GREB1L: variants seen among roughly 807,000 people sequenced by gnomAD.
The protein encoded by GREB1L is GREB1-like protein.
GREB1L carries 17 observed loss-of-function variants against 200.8 expected under a neutral mutation model. The observed-to-expected ratio is 0.08, with a 90% CI of 0.06 to 0.13. The LOEUF (loss-of-function observed/expected upper bound fraction) is 0.13. GREB1L is among the 10% of genes least tolerant of loss of function. GREB1L has a pLI of 1.00. For missense variants in GREB1L, 1,657 were observed against 2,367.7 expected (o/e 0.70, Z 6.23); for synonymous variants, 789 against 893.0 (o/e 0.88, Z 2.08).
At chr18:21,519,923 CT>C (rs796146497) in intron 31 of GREB1L, among the ~76,000 whole-genome samples, 270 of 143,560 alleles carry the variant, frequency 1.9e-3, no homozygotes, top group Middle Eastern at 3.6e-3. Context: ...CATGCACTGT[CT>C]TTTTTTTTTT....
chr18:21,302,783 G>A (rs2038638776), intron 1 of GREB1L, among the ~76,000 whole-genome samples: 1 of 152,072 alleles, frequency 6.6e-6, no homozygotes, highest in Non-Finnish European at 1.5e-5. Flanking sequence ...GTGCAGTGGC[G>A]TGATCTCGGC....
At chr18:21,451,325 T>G in intron 13 of GREB1L, 174 bp downstream of exon 13, 1 of 643,048 alleles carries the variant, frequency 1.6e-6, no homozygotes, top group Non-Finnish European at 2.5e-6. Flanking sequence ...AGTAAGGGGG[T>G]CTAGAGGAAG....
At chr18:21,421,255 G>T (rs1339183857) in intron 7 of GREB1L, among the ~76,000 whole-genome samples, 1 of 152,128 alleles carries the variant, frequency 6.6e-6, no homozygotes, top group Non-Finnish European at 1.5e-5. Flanking sequence ...CTTTAAGTAT[G>T]TGCAGTTTAT....
At position 21,499,979 on chromosome 18, in the gene GREB1L, G is replaced by A. The variant is rs771705091; in HGVS notation, c.3642G>A (p.Pro1214=). Residue 1214 remains proline, a synonymous_variant, in exon 22 of 33, where the codon CCG becomes CCA. Transcript: ENST00000424526. ...CAGGACCCAGGACCCTCCCATGGCC[G>A]GGACAGCCCATCAGAGGCTGCCGGG... ...SSSGPRTLPW[P]GQPIRGCRGP... The A allele has an allele frequency of 1.4e-5, 22 of 1,551,328 alleles. No individual in the cohort carries two copies. The highest frequency in any genetic ancestry group is 1.2e-4 in the East Asian group (5 of 40,908).
At chr18:21,327,680 C>T (rs543976653) in intron 1 of GREB1L, among the ~76,000 whole-genome samples, 79 of 151,468 alleles carry the variant, frequency 5.2e-4, no homozygotes, top group Non-Finnish European at 9.1e-4. Flanking sequence ...AAGAAGAAGG[C>T]CCCAACCTTT....
rs1445881408 is a variant in GREB1L, at chr18:21,515,466, G to A, written c.4951G>A (p.Val1651Ile). 2.6e-6 allele frequency: 4 copies of A among 1,551,656 alleles called. No individual in the cohort carries two copies. The highest frequency in any genetic ancestry group is 3.5e-6 in the Non-Finnish European group (4 of 1,146,962). The part of the protein sequence containing the change: ...VSSKNVSLKT[V>I]LQHIEATPKI... ...CAGTAAGAATGTGTCCTTGAAGACT[G>A]TCTTGCAGCACATTGAAGCCACACC... is the stretch of plus-strand genomic sequence containing the variant. Residue 1651 changes from valine (V) to isoleucine (I), a missense_variant, in exon 29 of 33, where the codon GTC becomes ATC. Physicochemically the swap from Val to Ile is conservative, Grantham distance 29. Transcript: ENST00000424526.
At chr18:21,460,951 G>T (rs1452012227) in intron 15 of GREB1L, among the ~76,000 whole-genome samples, 1 of 151,778 alleles carries the variant, frequency 6.6e-6, no homozygotes, top group South Asian at 2.1e-4. Flanking sequence ...ACAAAAATTA[G>T]CCAAGCAAGG....
At chr18:21,472,323 C>G (rs1475322248) in intron 15 of GREB1L, among the ~76,000 whole-genome samples, 1 of 152,106 alleles carries the variant, frequency 6.6e-6, no homozygotes, top group Admixed American at 6.6e-5. Context: ...GTTTTATGTG[C>G]CTAGAACTAC....
At position 21,516,567 on chromosome 18, in the gene GREB1L, TGA is replaced by T. The variant is rs1441152719; in HGVS notation, c.5130-43_5130-42del. ...TTTCTCTGTGTATAGTTATCATGGT[TGA>T]GATATGCCAGCGGAAGAAAACTATT... is the stretch of plus-strand genomic sequence containing the variant. On this transcript the variant is annotated intron_variant, in intron 29 of 32. Transcript: ENST00000424526. 6 of 1,523,094 alleles carry T rather than the reference TGA, an allele frequency of 3.9e-6. No homozygotes were observed. The East Asian group carries it at 7.4e-5, about 19-fold the overall frequency. The allele number at this position is 1,523,094 out of a possible 1,614,324, so 94.3% of individuals were successfully genotyped here.
chr18:21,315,975 T>A (rs1343133046), intron 1 of GREB1L, among the ~76,000 whole-genome samples: 1 of 152,180 alleles, frequency 6.6e-6, no homozygotes, highest in Non-Finnish European at 1.5e-5. Context: ...GTGCACACAG[T>A]GCTGTGCAGT....
chr18:21,323,151 G>T (rs1305688646), intron 1 of GREB1L, among the ~76,000 whole-genome samples: 15 of 152,086 alleles, frequency 9.9e-5, no homozygotes, highest in South Asian at 4.1e-4. Flanking sequence ...GCGGGATGTG[G>T]TGGTGTGTGC....
chr18:21,297,441 A>G (rs879075574), intron 1 of GREB1L, among the ~76,000 whole-genome samples: 1 of 152,108 alleles, frequency 6.6e-6, no homozygotes, highest in Admixed American at 6.5e-5. Context: ...AGGGCAGGGG[A>G]GCACCAGCCA....
At chr18:21,311,468 C>T (rs879724756) in intron 1 of GREB1L, among the ~76,000 whole-genome samples, 4 of 152,090 alleles carry the variant, frequency 2.6e-5, no homozygotes, top group Admixed American at 1.3e-4. Flanking sequence ...GATGGGTGTT[C>T]CTCTTTGCAA....
chr18:21,430,259 A>G (rs1341308584), intron 7 of GREB1L, among the ~76,000 whole-genome samples: 2 of 151,796 alleles, frequency 1.3e-5, no homozygotes, highest in African/African-American at 4.8e-5. Context: ...TGTTCATAGC[A>G]TTTGTTTATA....
At chr18:21,485,567 A>C (rs1047719479) in intron 17 of GREB1L, 53 bp from the exon 18 acceptor site, 91 of 1,480,752 alleles carry the variant, frequency 6.1e-5, no homozygotes, top group Non-Finnish European at 7.9e-5. Flanking sequence ...TCTGGAAAAC[A>C]AGACACACTG....
intron 2 of GREB1L, among the ~76,000 whole-genome samples, chr18:21,381,217 G>C (rs1382111978): frequency 6.6e-6 from 1 of 152,096 alleles, no homozygotes; most frequent in Non-Finnish European, 1.5e-5. Flanking sequence ...ACTCCAGCCT[G>C]GACGACAGAG....
intron 2 of GREB1L, among the ~76,000 whole-genome samples, chr18:21,374,775 C>G (rs1167885178): frequency 6.6e-6 from 1 of 150,640 alleles, no homozygotes; most frequent in Non-Finnish European, 1.5e-5. Context: ...TTAAAAGAAA[C>G]TTTTATTAAA....
chr18:21,500,762 G>T, intron 23 of GREB1L, 120 bp downstream of exon 23: 1 of 694,468 alleles, frequency 1.4e-6, no homozygotes, highest in South Asian at 2.1e-5. Flanking sequence ...CAGAGTTATT[G>T]GGAGGCTAAA....
At chr18:21,447,087 G>A (rs541331963) in intron 11 of GREB1L, among the ~76,000 whole-genome samples, 17 of 152,226 alleles carry the variant, frequency 1.1e-4, no homozygotes, top group African/African-American at 3.6e-4. Flanking sequence ...TCAAGCTTGC[G>A]AAAGTGGAGA....
Sources: gnomAD v4.1 joint callset for allele counts (sites outside exome capture counted in the v4.1 genomes callset) on GRCh38, gnomAD v4.1.1 for gene constraint, MANE v1.5 for transcripts, NCBI Gene and HGNC (gene_info 2026-07-23, HGNC 2026-07-21) for gene names.